The following NAV2 variants were observed in gnomAD, a reference collection of about 807,000 sequenced individuals.
NAV2 encodes helicase, APC down-regulated 1.
In NAV2, 54 loss-of-function variants were observed where a neutral mutation model predicts 223.2. That is an observed-to-expected ratio of 0.24 (90% CI 0.19 to 0.30). The LOEUF (loss-of-function observed/expected upper bound fraction) is 0.30. Among genes scored for constraint, NAV2 ranks in the 10% least tolerant of loss-of-function variants. NAV2 has a pLI of 1.00. For synonymous variants in NAV2, 1,279 were observed against 1,239.3 expected, an observed-to-expected ratio of 1.03 and a Z score of -0.67; for missense variants, 2,806 against 3,147.5, an observed-to-expected ratio of 0.89 and a Z score of 2.60.
chr11:19,531,131 T>C (rs2044016730), intron 1 of NAV2, among the ~76,000 whole-genome samples: 1 of 152,198 alleles, frequency 6.6e-6, no homozygotes, highest in Non-Finnish European at 1.5e-5. Context: ...AAGAAATATA[T>C]AGACTATGCT....
chr11:19,585,142 T>C lies in NAV2; in HGVS notation c.75+234115T>C, dbSNP rs375907026. ...CCTTTACCATTATGTAATGGCCTTC[T>C]TTGTCTCTTTTGATCTTTGTTGGTT... On this transcript the variant is annotated intron_variant, in intron 1 of 37. Transcript: ENST00000360655. Among the ~76,000 whole-genome samples the C allele has an allele frequency of 2.4e-4, 36 of 152,320 alleles. No homozygotes were observed. The East Asian group carries it at 4.4e-3, about 19-fold the overall frequency.
chr11:19,381,535 A>G (rs1848836553), intron 1 of NAV2, among the ~76,000 whole-genome samples: 1 of 152,130 alleles, frequency 6.6e-6, no homozygotes, highest in Non-Finnish European at 1.5e-5. Flanking sequence ...CTCTTTCCAG[A>G]GATGAGAAAG....
chr11:19,708,536 A>G (rs999816217), upstream of NAV2, among the ~76,000 whole-genome samples: 1 of 152,114 alleles, frequency 6.6e-6, no homozygotes, highest in Non-Finnish European at 1.5e-5. Context: ...TTGGGAGGTC[A>G]GGCCAACAGG....
intron 2 of NAV2, among the ~76,000 whole-genome samples, chr11:19,833,677 T>G (rs2060073495): frequency 6.6e-6 from 1 of 152,244 alleles, no homozygotes; most frequent in Non-Finnish European, 1.5e-5. Flanking sequence ...GCATCAGAAG[T>G]CTAGGCATAG....
intron 10 of NAV2, among the ~76,000 whole-genome samples, chr11:19,975,413 A>G (rs2049629514): frequency 6.6e-6 from 1 of 152,204 alleles, no homozygotes; most frequent in Non-Finnish European, 1.5e-5. Context: ...TATTAGGGCT[A>G]TTATAGGCCT....
intron 1 of NAV2, among the ~76,000 whole-genome samples, chr11:19,564,489 CA>C (rs1370865574): frequency 3.9e-5 from 6 of 152,230 alleles, no homozygotes; most frequent in African/African-American, 1.4e-4. Flanking sequence ...AGGCCCTCGG[CA>C]GAGTGCTGGC....
At chr11:19,966,294 C>G (rs117381046) in intron 10 of NAV2, among the ~76,000 whole-genome samples, 1 of 152,108 alleles carries the variant, frequency 6.6e-6, no homozygotes, top group Admixed American at 6.5e-5. Flanking sequence ...CCCATACCAC[C>G]CAGTGTGATA....
chr11:19,433,584 A>G (rs1331478072), intron 1 of NAV2, among the ~76,000 whole-genome samples: 1 of 152,268 alleles, frequency 6.6e-6, no homozygotes, highest in African/African-American at 2.4e-5. Flanking sequence ...AGCACAATTT[A>G]CATCAAAACC....
chr11:19,745,403 G>T (rs1178015989), intron 1 of NAV2, among the ~76,000 whole-genome samples: 1 of 152,106 alleles, frequency 6.6e-6, no homozygotes, highest in Non-Finnish European at 1.5e-5. Context: ...AAACTATCTT[G>T]GCTCCTAAGC....
At chr11:19,496,828 A>G (rs1211875429) in intron 1 of NAV2, among the ~76,000 whole-genome samples, 1 of 151,410 alleles carries the variant, frequency 6.6e-6, no homozygotes, top group African/African-American at 2.5e-5. Context: ...AAAAAACAAA[A>G]AACAAAAACA....
chr11:19,834,675 A>G (rs2060138785), intron 2 of NAV2, among the ~76,000 whole-genome samples: 1 of 152,002 alleles, frequency 6.6e-6, no homozygotes, highest in African/African-American at 2.4e-5. Flanking sequence ...TGAGTTTTGC[A>G]GCTGTGCAGA....
chr11:19,367,112 G>A (rs2729897), intron 1 of NAV2, among the ~76,000 whole-genome samples: 145,334 of 152,038 alleles, frequency 0.96, 69,787 homozygotes, highest in East Asian at 1. Flanking sequence ...TGGGTCATGT[G>A]GCACCATTTG....
intron 1 of NAV2, among the ~76,000 whole-genome samples, chr11:19,776,867 C>T (rs1445654253): frequency 1.3e-5 from 2 of 151,956 alleles, no homozygotes; most frequent in Non-Finnish European, 2.9e-5. Context: ...CCATGAACTG[C>T]GCTCCACAGC....
rs1273641062 is a variant in NAV2, at chr11:19,832,515, C to A, written c.299C>A (p.Ala100Asp). The change falls in exon 2 of 38, where the codon GCC becomes GAC. Residue 100 changes from alanine (A) to aspartate (D), a missense_variant. Transcript: ENST00000349880. ...IYTDWANHYL[A>D]KSGHKRLIRD... ...ACAGACTGGGCCAATCATTACCTAG[C>A]CAAATCCGGCCACAAGCGTCTCATC... 2 of 1,614,160 alleles carry A rather than the reference C, an allele frequency of 1.2e-6. No homozygotes were observed. Among genetic ancestry groups the A allele is most frequent in the Admixed American group, 3.3e-5 (2 of 60,028 alleles).
chr11:19,620,550 G>T (rs2046959759), intron 1 of NAV2, among the ~76,000 whole-genome samples: 1 of 152,168 alleles, frequency 6.6e-6, no homozygotes, highest in South Asian at 2.1e-4. Flanking sequence ...CTCATGATTT[G>T]GCCCTCTGTT....
chr11:19,960,461 A>G (rs2048256810), intron 10 of NAV2, among the ~76,000 whole-genome samples: 1 of 152,096 alleles, frequency 6.6e-6, no homozygotes. Flanking sequence ...AAGAGTTGAA[A>G]AAGATGGCCT....
chr11:20,096,853 A>G (rs2061309776), intron 30 of NAV2, among the ~76,000 whole-genome samples: 1 of 152,240 alleles, frequency 6.6e-6, no homozygotes. Flanking sequence ...ACCTAGGCCA[A>G]AAACTTATCT....
rs75975967 is a variant in NAV2, at chr11:19,607,117, C to T, written c.76-225367C>T. Among the ~76,000 whole-genome samples, 630 of 152,346 alleles carry T rather than the reference C, an allele frequency of 4.1e-3. 2 individuals are homozygous for T. Among genetic ancestry groups the T allele is most frequent in the African/African-American group, 0.014 (600 of 41,570 alleles). On this transcript the variant is annotated intron_variant, in intron 1 of 37. Coordinates refer to the NAV2 transcript ENST00000360655. ...GGTAACCACACTGGTTACAGGGCCG[C>T]TCTCAGTTTGTGTCCCTGGAGAGTT... is the stretch of plus-strand genomic sequence containing the variant.
chr11:20,038,604 A>G (rs2056622413), intron 12 of NAV2, among the ~76,000 whole-genome samples: 1 of 152,292 alleles, frequency 6.6e-6, no homozygotes, highest in South Asian at 2.1e-4. Flanking sequence ...TCTGAGCGGC[A>G]TCAGGCAATG....
Sources: allele counts gnomAD v4.1 joint callset (sites outside exome capture counted in the v4.1 genomes callset), GRCh38; gene constraint gnomAD v4.1.1; transcripts MANE v1.5; gene names NCBI Gene and HGNC (gene_info 2026-07-23, HGNC 2026-07-21).